POFUT3: variants seen among roughly 807,000 people sequenced by gnomAD.
POFUT3 encodes protein O-fucosyltransferase 3, also known as GDP-fucose protein O-fucosyltransferase 3.
the POFUT3 span, chr8:33,389,146 A>G: frequency 1.1e-5 from 17 of 1,614,222 alleles, no homozygotes; most frequent in Non-Finnish European, 1.4e-5. Flanking sequence ...ACAATCTGTC[A>G]TCAGAATCCA....
chr8:33,375,027 C>T, the POFUT3 span, among the ~76,000 whole-genome samples: 1 of 151,782 alleles, frequency 6.6e-6, no homozygotes, highest in Non-Finnish European at 1.5e-5. Context: ...ATTACAGGTG[C>T]CTGCCACTAT....
At chr8:33,380,150 CTA>C in the POFUT3 span, among the ~76,000 whole-genome samples, 73 of 44,722 alleles carry the variant, frequency 1.6e-3, no homozygotes, top group East Asian at 4.2e-3. Context: ...TATATATACA[CTA>C]TATATATATA....
chr8:33,418,385 G>T, the POFUT3 span, among the ~76,000 whole-genome samples: 2 of 150,276 alleles, frequency 1.3e-5, no homozygotes, highest in Non-Finnish European at 2.9e-5. Flanking sequence ...ACAGATGCTG[G>T]TGATGATGTG....
chr8:33,333,571 G>A, the POFUT3 span, among the ~76,000 whole-genome samples: 1 of 152,250 alleles, frequency 6.6e-6, no homozygotes, highest in East Asian at 1.9e-4. Context: ...CAGAAGAGCT[G>A]GGACCAGGGG....
At chr8:33,379,648 C>T in the POFUT3 span, among the ~76,000 whole-genome samples, 1 of 151,238 alleles carries the variant, frequency 6.6e-6, no homozygotes, top group African/African-American at 2.4e-5. Context: ...CCAGCCTGGC[C>T]AACATGGCGA....
chr8:33,379,411 A>G, the POFUT3 span, among the ~76,000 whole-genome samples: 1 of 152,062 alleles, frequency 6.6e-6, no homozygotes, highest in Admixed American at 6.6e-5. Context: ...AAATCATGAA[A>G]CACATAAAAA....
At chr8:33,374,928 C>T in the POFUT3 span, among the ~76,000 whole-genome samples, 2 of 149,396 alleles carry the variant, frequency 1.3e-5, no homozygotes, top group Non-Finnish European at 3.0e-5. Flanking sequence ...GGCTGGAGTG[C>T]AGTGGCATGA....
the POFUT3 span, among the ~76,000 whole-genome samples, chr8:33,355,260 G>A: frequency 2.0e-5 from 3 of 152,090 alleles, no homozygotes; most frequent in African/African-American, 7.2e-5. Context: ...GGGAAAAACA[G>A]GCTCACTTAT....
the POFUT3 span, among the ~76,000 whole-genome samples, chr8:33,370,169 TAAAAAAAAAAAAAA>T: frequency 0.011 from 429 of 39,896 alleles, 3 homozygotes; most frequent in Middle Eastern, 0.026. Flanking sequence ...CCATCTTTAC[TAAAAAAAAAAAAAA>T]AAAAAAAAAA....
At chr8:33,412,077 A>G in the POFUT3 span, among the ~76,000 whole-genome samples, 16 of 152,212 alleles carry the variant, frequency 1.1e-4, no homozygotes, top group Non-Finnish European at 2.2e-4. Context: ...GAATTAACAT[A>G]CGAACACTGA....
At chr8:33,346,717 A>G in the POFUT3 span, among the ~76,000 whole-genome samples, 1 of 152,172 alleles carries the variant, frequency 6.6e-6, no homozygotes, top group Non-Finnish European at 1.5e-5. Context: ...AATGTTTGGA[A>G]CATATATTGA....
At chr8:33,340,344 A>G in the POFUT3 span, among the ~76,000 whole-genome samples, 1 of 152,002 alleles carries the variant, frequency 6.6e-6, no homozygotes, top group African/African-American at 2.4e-5. Context: ...TGTGGTGTTG[A>G]TAGTGGGGGA....
chr8:33,469,106 G>C, the POFUT3 span, among the ~76,000 whole-genome samples: 1 of 152,150 alleles, frequency 6.6e-6, no homozygotes, highest in Admixed American at 6.6e-5. Context: ...AGGAGTTGGA[G>C]ACAAGCCTGG....
the POFUT3 span, among the ~76,000 whole-genome samples, chr8:33,386,857 C>T: frequency 1.3e-5 from 2 of 152,082 alleles, no homozygotes; most frequent in East Asian, 3.9e-4. Flanking sequence ...TCTTCCAGTT[C>T]GCAATAATTA....
At chr8:33,401,069 G>C in the POFUT3 span, among the ~76,000 whole-genome samples, 1 of 152,102 alleles carries the variant, frequency 6.6e-6, no homozygotes, top group African/African-American at 2.4e-5. Context: ...CAAAACCTCT[G>C]CCTCCTGGGT....
chr8:33,472,556 G>A, the POFUT3 span, among the ~76,000 whole-genome samples: 1 of 152,188 alleles, frequency 6.6e-6, no homozygotes, highest in Non-Finnish European at 1.5e-5. Flanking sequence ...CGTATTCTCT[G>A]CAACTAGAAA....
the POFUT3 span, among the ~76,000 whole-genome samples, chr8:33,466,001 C>T: frequency 6.6e-6 from 1 of 152,154 alleles, no homozygotes; most frequent in South Asian, 2.1e-4. Context: ...TTGGGACCTT[C>T]GCATAGCTTT....
the POFUT3 span, among the ~76,000 whole-genome samples, chr8:33,311,368 T>A: frequency 1.3e-5 from 2 of 152,176 alleles, no homozygotes; most frequent in African/African-American, 4.8e-5. Flanking sequence ...AAAAACTCAA[T>A]AGATACATGT....
chr8:33,371,524 AT>A, the POFUT3 span: 1 of 152,194 alleles, frequency 6.6e-6, no homozygotes, highest in Admixed American at 6.5e-5. Context: ...AATGGAAATC[AT>A]GACACAACAG....
Sources: allele counts gnomAD v4.1 joint callset (sites outside exome capture counted in the v4.1 genomes callset), GRCh38; gene constraint gnomAD v4.1.1; transcripts MANE v1.5; gene names NCBI Gene and HGNC (gene_info 2026-07-23, HGNC 2026-07-21).